PPFIBP1: variants seen among roughly 807,000 people sequenced by gnomAD.
The protein encoded by PPFIBP1 is PPFIB scaffold protein 1.
In PPFIBP1, 112 loss-of-function variants were observed where a neutral mutation model predicts 137.8. The observed-to-expected ratio is 0.81, with a 90% confidence interval of 0.70 to 0.95. PPFIBP1 has a LOEUF of 0.95. Ranked by LOEUF, PPFIBP1 falls within the 40% of genes least tolerant of loss-of-function variation. The pLI is 0.00. For missense variants in PPFIBP1, 1,083 were observed against 1,196.6 expected (o/e 0.91, Z 1.40); for synonymous variants, 378 against 417.3 (o/e 0.91, Z 1.15).
At chr12:27,662,000 T>A (rs1475016182) in intron 11 of PPFIBP1, among the ~76,000 whole-genome samples, 1 of 152,186 alleles carries the variant, frequency 6.6e-6, no homozygotes, top group African/African-American at 2.4e-5. Flanking sequence ...TTTTCATTTC[T>A]GTCCCTCAAA....
intron 1 of PPFIBP1, among the ~76,000 whole-genome samples, chr12:27,526,370 ATACT>A (rs139664530): frequency 4.7e-4 from 72 of 152,358 alleles, no homozygotes; most frequent in African/African-American, 8.9e-4. Context: ...GTAATTTTAC[ATACT>A]TAATTTAAAC....
At chr12:27,529,523 GTCTCTACTAAAAATACAAAAA>G (rs1565709397) in intron 1 of PPFIBP1, among the ~76,000 whole-genome samples, 3 of 152,082 alleles carry the variant, frequency 2.0e-5, no homozygotes, top group Non-Finnish European at 4.4e-5. Flanking sequence ...GCAAAACCCC[GTCTCTACTAAAAATACAAAAA>G]TTGGCCGAAT....
intron 1 of PPFIBP1, among the ~76,000 whole-genome samples, chr12:27,527,255 CTT>C (rs1275471414): frequency 6.8e-6 from 1 of 146,278 alleles, no homozygotes. Context: ...TTTCTTTTTT[CTT>C]TTTTTTTTTG....
At chr12:27,633,094 C>T (rs1204951326) in intron 2 of PPFIBP1, among the ~76,000 whole-genome samples, 1 of 152,126 alleles carries the variant, frequency 6.6e-6, no homozygotes, top group Non-Finnish European at 1.5e-5. Context: ...TTACAGAGGC[C>T]TAGAGTTCTA....
In PPFIBP1 at chr12:27,526,001, G is replaced by A. The variant is rs528814056; in HGVS notation, c.-124+1636G>A. Among the ~76,000 whole-genome samples, 17 of 152,314 alleles carry A rather than the reference G, an allele frequency of 1.1e-4. No homozygotes were observed. The South Asian group carries it at 3.5e-3, about 32-fold the overall frequency. On this transcript the variant is annotated intron_variant, in intron 1 of 29. Transcript: ENST00000228425. ...TATTTTGGCTTAAGACACAGAAATTGCAAATGGCTCTGCAATAATGGTGAA... is the reference window on the plus strand; with the variant it reads ...TATTTTGGCTTAAGACACAGAAATTACAAATGGCTCTGCAATAATGGTGAA...
intron 6 of PPFIBP1, among the ~76,000 whole-genome samples, chr12:27,648,415 A>T (rs1428771057): frequency 3.3e-5 from 5 of 152,258 alleles, no homozygotes; most frequent in African/African-American, 1.2e-4. Flanking sequence ...GTAAATTCAT[A>T]CAACTGCTAT....
At chr12:27,525,138 G>C (rs1004152218) in intron 1 of PPFIBP1, among the ~76,000 whole-genome samples, 2 of 152,064 alleles carry the variant, frequency 1.3e-5, no homozygotes, top group African/African-American at 2.4e-5. Flanking sequence ...AGGGAAACGC[G>C]GTGGAAGGCG....
chr12:27,594,003 C>T (rs2052871774), intron 2 of PPFIBP1: 41 of 1,363,028 alleles, frequency 3.0e-5, no homozygotes, highest in Non-Finnish European at 3.7e-5. Flanking sequence ...TTGGAGCTGT[C>T]GTCCTCTATG....
intron 2 of PPFIBP1, among the ~76,000 whole-genome samples, chr12:27,613,894 G>T (rs539357006): frequency 6.6e-6 from 1 of 151,876 alleles, no homozygotes; most frequent in South Asian, 2.1e-4. Context: ...CATTTCCATC[G>T]TTTGGGAAGA....
At chr12:27,650,169 C>G (rs1207495225) in intron 7 of PPFIBP1, 28 bp downstream of exon 7, 1 of 1,540,538 alleles carries the variant, frequency 6.5e-7, no homozygotes, top group African/African-American at 1.4e-5. Flanking sequence ...TCCTCCCTCT[C>G]TCTCTCTCTC....
chr12:27,584,811 C>T (rs960891440), intron 2 of PPFIBP1, among the ~76,000 whole-genome samples: 1 of 152,176 alleles, frequency 6.6e-6, no homozygotes, highest in African/African-American at 2.4e-5. Flanking sequence ...ATGGGAACAA[C>T]ATCACGTATC....
intron 1 of PPFIBP1, among the ~76,000 whole-genome samples, chr12:27,539,829 T>C (rs1325687639): frequency 6.6e-6 from 1 of 152,144 alleles, no homozygotes; most frequent in Non-Finnish European, 1.5e-5. Flanking sequence ...TATAATTAGC[T>C]TTGGTGTGTT....
At chr12:27,577,038 G>A (rs1250614965) in intron 1 of PPFIBP1, among the ~76,000 whole-genome samples, 1 of 152,062 alleles carries the variant, frequency 6.6e-6, no homozygotes, top group East Asian at 1.9e-4. Context: ...GTGTATATAT[G>A]GGCCATATAT....
At chr12:27,561,879 C>CA (rs1444607238) in intron 1 of PPFIBP1, among the ~76,000 whole-genome samples, 4 of 150,780 alleles carry the variant, frequency 2.7e-5, no homozygotes, top group Non-Finnish European at 4.4e-5. Flanking sequence ...CCCATCTGTA[C>CA]AAAAAAAAAT....
chr12:27,562,779 CG>C (rs1441153628), intron 1 of PPFIBP1, among the ~76,000 whole-genome samples: 1 of 152,062 alleles, frequency 6.6e-6, no homozygotes, highest in South Asian at 2.1e-4. Context: ...ACTTCTGAAC[CG>C]CAATGTTGTT....
chr12:27,552,581 T>G (rs563227417), intron 1 of PPFIBP1: 1 of 152,336 alleles, frequency 6.6e-6, no homozygotes, highest in East Asian at 1.9e-4. Flanking sequence ...CTAGTTGTGA[T>G]TCCAAATCGA....
chr12:27,622,588 C>T (rs1211810810), intron 2 of PPFIBP1, among the ~76,000 whole-genome samples: 1 of 152,220 alleles, frequency 6.6e-6, no homozygotes, highest in Non-Finnish European at 1.5e-5. Context: ...AGTATGCATT[C>T]GTAGGCTGTA....
chr12:27,539,878 A>G (rs1945460993), intron 1 of PPFIBP1, among the ~76,000 whole-genome samples: 1 of 152,062 alleles, frequency 6.6e-6, no homozygotes, highest in Non-Finnish European at 1.5e-5. Flanking sequence ...TATTTTTTCC[A>G]TAGATGAAAT....
intron 1 of PPFIBP1, among the ~76,000 whole-genome samples, chr12:27,559,101 C>T (rs1276119897): frequency 1.3e-5 from 2 of 152,028 alleles, no homozygotes; most frequent in Admixed American, 1.3e-4. Flanking sequence ...CTCCTGGCCT[C>T]AAGCGATCCT....
Sources: gnomAD v4.1 joint callset for allele counts (sites outside exome capture counted in the v4.1 genomes callset) on GRCh38, gnomAD v4.1.1 for gene constraint, MANE v1.5 for transcripts, NCBI Gene and HGNC (gene_info 2026-07-23, HGNC 2026-07-21) for gene names.